Variants in DYNC1H1 observed in about 807,000 individuals in gnomAD.
DYNC1H1 encodes the protein dynein cytoplasmic 1 heavy chain 1.
Under a neutral mutation model 527.1 loss-of-function variants are expected in DYNC1H1, and 51 were observed. The observed-to-expected ratio is 0.10, with a 90% CI of 0.08 to 0.12. The LOEUF (loss-of-function observed/expected upper bound fraction) is 0.12. Ranked by LOEUF, DYNC1H1 falls within the 10% of genes least tolerant of loss-of-function variation. The pLI, the probability that DYNC1H1 is intolerant of heterozygous loss-of-function variation, is 1.00. For missense variants in DYNC1H1, 2,771 were observed against 5,971.8 expected (o/e 0.46, Z 17.66); for synonymous variants, 2,189 against 2,278.8 (o/e 0.96, Z 1.12).
Position 102,056,286 on chromosome 14 carries a change from G to C in DYNC1H1, c.*5723G>C, listed in dbSNP as rs954599742. The C allele has an allele frequency of 6.6e-6, 1 of 152,216 alleles. No homozygotes were observed. Among genetic ancestry groups the C allele is most frequent in the African/African-American group, 2.4e-5 (1 of 41,440 alleles). The allele number at this position is 152,216 out of a possible 1,614,324, so 9.4% of individuals were successfully genotyped here. ...TACCAGTGCATGAAACCCCTGTCAC[G>C]TATCCCCCAGACTGCTCAATCAATC... On this transcript the variant is annotated 3_prime_UTR_variant, in exon 78 of 78. Transcript: ENST00000360184.
chr14:101,995,621 A>G (rs1009137681), intron 15 of DYNC1H1, among the ~76,000 whole-genome samples: 2 of 151,956 alleles, frequency 1.3e-5, no homozygotes, highest in African/African-American at 2.4e-5. Context: ...AAAAAAAAAA[A>G]AAAAAATTAC....
rs2048793598 is a variant in DYNC1H1 at position 102,050,466 on chromosome 14, G to A, written c.13844G>A (p.Arg4615His). The change falls in exon 78 of 78, where the codon CGT becomes CAT. Residue 4615 changes from arginine (R) to histidine (H), a missense_variant. Coordinates refer to ENST00000360184, the MANE Select transcript of DYNC1H1 (RefSeq NM_001376.5). The stretch of plus-strand genomic sequence containing the variant: ...TTACCTGTCTACCTGAACTTCACCC[G>A]TGCAGACCTCATCTTCACCGTGGAC... ...VTLPVYLNFT[R>H]ADLIFTVDFE... 1 of 1,614,060 alleles carries A rather than the reference G, an allele frequency of 6.2e-7. No individual in the cohort carries two copies. Among genetic ancestry groups the A allele is most frequent in the Non-Finnish European group, 8.5e-7 (1 of 1,180,040 alleles).
At position 102,022,927 on chromosome 14, in the gene DYNC1H1, C is replaced by G. The variant is rs779524316; in HGVS notation, c.8637+47C>G. On this transcript the variant is annotated intron_variant, in intron 43 of 77. Transcript: ENST00000360184. ...AGACATACTTCTTTTTCTGCCATCC[C>G]TTTCTAACACTAACGAATTCTAACG... The G allele has an allele frequency of 3.7e-6, 6 of 1,613,422 alleles. No homozygotes were observed. The South Asian group carries it at 6.6e-5, about 18-fold the overall frequency.
chr14:102,015,437 C>T lies in DYNC1H1; in HGVS notation c.7242+105C>T. ...CTGGTCTTGAACTCCTGGGCCCAAG[C>T]AATCCACCTGCCTTGGCCTCTCAAA... On this transcript the variant is annotated intron_variant, in intron 35 of 77. Transcript: ENST00000360184. This position sits in a 1 kb window ranked among gnomAD's most constrained non-coding sequence, Gnocchi z 6.9. 7.6e-7 allele frequency: 1 copy of T among 1,314,930 alleles called. No individual in the cohort carries two copies. The highest frequency in any genetic ancestry group is 1.0e-6 in the Non-Finnish European group (1 of 957,622). The allele number at this position is 1,314,930 out of a possible 1,614,324, so 81.5% of individuals were successfully genotyped here.
chr14:102,002,431 A>G lies in DYNC1H1; in HGVS notation c.4543-106A>G. 1.4e-6 allele frequency: 2 copies of G among 1,469,640 alleles called. No individual in the cohort carries two copies. Among genetic ancestry groups the G allele is most frequent in the African/African-American group, 1.4e-5 (1 of 71,962 alleles). The allele number at this position is 1,469,640 out of a possible 1,614,324, so 91.0% of individuals were successfully genotyped here. ...CGTCTACTTGTTGTTTAAAATGTGAATCAGATTACTTCATGAGATCCTGAT... is the reference window on the plus strand; with the variant it reads ...CGTCTACTTGTTGTTTAAAATGTGAGTCAGATTACTTCATGAGATCCTGAT... On this transcript the variant is annotated intron_variant, in intron 21 of 77. Coordinates refer to ENST00000360184, the MANE Select transcript of DYNC1H1 (RefSeq NM_001376.5). The surrounding 1 kb of genome is among the most constrained non-coding windows in gnomAD (Gnocchi z 4.4).
At position 101,965,712 on chromosome 14, in the gene DYNC1H1, G is replaced by A. The variant is rs1020446186; in HGVS notation, c.256+765G>A. ...TCCTGAGACTAGACTCAGTGTCTCA[G>A]CTCCCCATCCACTGCTTGTTTTCAC... is the stretch of plus-strand genomic sequence containing the variant. On this transcript the variant is annotated intron_variant, in intron 1 of 77. Coordinates refer to ENST00000360184, the MANE Select transcript of DYNC1H1 (RefSeq NM_001376.5). This position sits in a 1 kb window ranked among gnomAD's most constrained non-coding sequence, Gnocchi z 4.1. Among the ~76,000 whole-genome samples, 1 of 151,598 alleles carries A rather than the reference G, an allele frequency of 6.6e-6. No individual in the cohort carries two copies.
rs1050649480 is a variant in DYNC1H1 at position 101,972,618 on chromosome 14, G to T, written c.257-3094G>T. On this transcript the variant is annotated intron_variant, in intron 1 of 77. Coordinates refer to ENST00000360184, the MANE Select transcript of DYNC1H1 (RefSeq NM_001376.5). ...GAATGGCACCTAGTTCCCCTAACCC[G>T]GTTTGCATTAGGAAGTGTAGGCCAC... Among the ~76,000 whole-genome samples the T allele has an allele frequency of 2.0e-5, 3 of 152,252 alleles. No homozygotes were observed. The East Asian group carries it at 5.8e-4, about 29-fold the overall frequency.
At position 102,038,683 on chromosome 14, in the gene DYNC1H1, T is replaced by TA; in HGVS notation, c.11056-14dup. ...ACTGGATTAAGACAGACTGTTCTGT[T>TA]ACCTATTTTGGCAGGTCGAGTTCCC... On this transcript the variant is annotated splice_polypyrimidine_tract_variant and intron_variant, in intron 58 of 77. Transcript: ENST00000360184. This position sits in a 1 kb window ranked among gnomAD's most constrained non-coding sequence, Gnocchi z 7.2. The TA allele has an allele frequency of 6.2e-7, 1 of 1,614,246 alleles. No homozygotes were observed. Among genetic ancestry groups the TA allele is most frequent in the Non-Finnish European group, 8.5e-7 (1 of 1,180,050 alleles).
Position 102,039,519 on chromosome 14 carries a change from G to C in DYNC1H1, c.11568G>C (p.Leu3856=). The C allele has an allele frequency of 6.2e-7, 1 of 1,614,232 alleles. No individual in the cohort carries two copies. Among genetic ancestry groups the C allele is most frequent in the East Asian group, 2.2e-5 (1 of 44,886 alleles). ...GTGTCACCGACCACACACAGCGCCT[G>C]TCCATTATAACAAAGGACCTCTTCC... ...LKGVTDHTQR[L]SIITKDLFQV... The change falls in exon 61 of 78, where the codon CTG becomes CTC. Residue 3856 remains leucine, a synonymous_variant. Coordinates refer to ENST00000360184, the MANE Select transcript of DYNC1H1 (RefSeq NM_001376.5). The surrounding 1 kb of genome is among the most constrained non-coding windows in gnomAD (Gnocchi z 7.0).
Position 102,016,218 on chromosome 14 carries a change from G to A in DYNC1H1, c.7474-131G>A. 6.6e-7 allele frequency: 1 copy of A among 1,506,664 alleles called. No homozygotes were observed. The highest frequency in any genetic ancestry group is 9.0e-7 in the Non-Finnish European group (1 of 1,106,072). The allele number at this position is 1,506,664 out of a possible 1,614,324, so 93.3% of individuals were successfully genotyped here. A position where few individuals can be genotyped will look rare whatever the true frequency, so the allele number is the denominator to read the frequency against. On this transcript the variant is annotated intron_variant, in intron 36 of 77. Transcript: ENST00000360184. This position sits in a 1 kb window ranked among gnomAD's most constrained non-coding sequence, Gnocchi z 7.3. ...AGGCAGAGCCTTCGTTGAGGGGCTAGGAAAGGTGCAGTGGGTGTCTGTGAT... is the reference window on the plus strand; with the variant it reads ...AGGCAGAGCCTTCGTTGAGGGGCTAAGAAAGGTGCAGTGGGTGTCTGTGAT...
Position 102,042,908 on chromosome 14 carries a change from C to A in DYNC1H1, c.12513+160C>A, listed in dbSNP as rs1048940830. The A allele has an allele frequency of 1.2e-6, 1 of 823,894 alleles. No homozygotes were observed. The highest frequency in any genetic ancestry group is 2.0e-6 in the Non-Finnish European group (1 of 501,802). 51.0% of individuals were successfully genotyped at this position (823,894 alleles called of 1,614,324 possible). A position where few individuals can be genotyped will look rare whatever the true frequency, so the allele number is the denominator to read the frequency against. On this transcript the variant is annotated intron_variant, in intron 69 of 77. Transcript: ENST00000360184. This position sits in a 1 kb window ranked among gnomAD's most constrained non-coding sequence, Gnocchi z 5.7. ...TGTAGGTAAAATTTCCTTCCATGGCCGGGCACCGTGGCTCACACTGGTAAT... is the reference window on the plus strand; with the variant it reads ...TGTAGGTAAAATTTCCTTCCATGGCAGGGCACCGTGGCTCACACTGGTAAT...
Position 102,015,342 on chromosome 14 carries a change from G to T in DYNC1H1, c.7242+10G>T. Reference sequence around the variant, plus strand: ...TTCCCCCATGCTGCAGGTACGCCCAGGTGGGACCCCACATATCATGACCTG... The same window carrying T: ...TTCCCCCATGCTGCAGGTACGCCCATGTGGGACCCCACATATCATGACCTG... On this transcript the variant is annotated intron_variant, in intron 35 of 77. Transcript: ENST00000360184. This position sits in a 1 kb window ranked among gnomAD's most constrained non-coding sequence, Gnocchi z 6.9. The T allele has an allele frequency of 6.2e-7, 1 of 1,605,460 alleles. No homozygotes were observed. The highest frequency in any genetic ancestry group is 1.1e-5 in the South Asian group (1 of 90,112).
In DYNC1H1 at chr14:102,043,955, A is replaced by G; in HGVS notation, c.12594A>G (p.Pro4198=). 1 of 1,614,190 alleles carries G rather than the reference A, an allele frequency of 6.2e-7. No individual in the cohort carries two copies. The highest frequency in any genetic ancestry group is 1.3e-5 in the African/African-American group (1 of 75,072). ...TCCAAGAACGCTTACGATACGCACC[A>G]CTGGGGTGGTCAAAGAAGTATGAAT... The part of the protein sequence containing the change: ...AIIQERLRYA[P]LGWSKKYEFG... Residue 4198 remains proline, a synonymous_variant, in exon 70 of 78, where the codon CCA becomes CCG. Transcript: ENST00000360184.
In DYNC1H1 at chr14:102,029,947, T is replaced by G. The variant is rs376545350; in HGVS notation, c.9762+9T>G. On this transcript the variant is annotated intron_variant, in intron 50 of 77. Transcript: ENST00000360184. The surrounding 1 kb of genome is among the most constrained non-coding windows in gnomAD (Gnocchi z 5.3). ...AGGCTGAAAAGAAGAAGGTATGGTG[T>G]CAGGGAATTCTGGCCTGTAAGGACT... 5.0e-5 allele frequency: 81 copies of G among 1,614,032 alleles called. No individual in the cohort carries two copies. In the African/African-American group the frequency reaches 9.9e-4, roughly 20 times the overall value.
chr14:102,047,540 A>T, intron 72 of DYNC1H1: 1 of 206,642 alleles, frequency 4.8e-6, no homozygotes, highest in South Asian at 8.1e-5. Context: ...CCATCTCAAA[A>T]ATATATATAT....
intron 9 of DYNC1H1, 70 bp downstream of exon 9, chr14:101,987,702 T>C (rs2047951625): frequency 6.4e-7 from 1 of 1,562,266 alleles, no homozygotes. Context: ...CTTATTAGTT[T>C]GTCACTAAAA....
At position 102,034,250 on chromosome 14, in the gene DYNC1H1, T is replaced by C. The variant is rs986875412; in HGVS notation, c.10626+62T>C. The C allele has an allele frequency of 1.1e-5, 17 of 1,614,042 alleles. No individual in the cohort carries two copies. The African/African-American group carries it at 2.3e-4, about 22-fold the overall frequency. ...CAGTGTGAGGCAAGCTGGTGTTTAG[T>C]GCACAGTTAGAGTCTTGAGAACAGT... On this transcript the variant is annotated intron_variant, in intron 55 of 77. Coordinates refer to ENST00000360184, the MANE Select transcript of DYNC1H1 (RefSeq NM_001376.5).
At chr14:102,023,035 G>A in intron 43 of DYNC1H1, 155 bp downstream of exon 43, 1 of 1,218,992 alleles carries the variant, frequency 8.2e-7, no homozygotes, top group Admixed American at 2.0e-5. Flanking sequence ...GGCTGAGGCA[G>A]GAGGATCACT....
rs2048827566 is a variant in DYNC1H1, at chr14:102,052,690, T to C, written c.*2127T>C. 6.6e-6 allele frequency: 1 copy of C among 152,178 alleles called. No homozygotes were observed. Among genetic ancestry groups the C allele is most frequent in the African/African-American group, 2.4e-5 (1 of 41,428 alleles). The allele number at this position is 152,178 out of a possible 1,614,324, so 9.4% of individuals were successfully genotyped here. A position where few individuals can be genotyped will look rare whatever the true frequency, so the allele number is the denominator to read the frequency against. On this transcript the variant is annotated 3_prime_UTR_variant, in exon 78 of 78. Coordinates refer to ENST00000360184, the MANE Select transcript of DYNC1H1 (RefSeq NM_001376.5). ...GCTCTGCTTGGCACGTGTCTGCCAG[T>C]CTCAGGGGGCTCCATGGGAGTGAGG...
Sources: allele counts gnomAD v4.1 joint callset (sites outside exome capture counted in the v4.1 genomes callset), GRCh38; gene constraint gnomAD v4.1.1; non-coding constraint Gnocchi (gnomAD v3.1); transcripts MANE v1.5; gene names NCBI Gene and HGNC (gene_info 2026-07-23, HGNC 2026-07-21).